DYNC2I2: variants seen among roughly 807,000 people sequenced by gnomAD.
DYNC2I2 encodes dynein 2 intermediate chain 2, also known as cytoplasmic dynein 2 intermediate chain 2.
In DYNC2I2, 39 loss-of-function variants were observed where a neutral mutation model predicts 52.0. The ratio of observed to expected loss-of-function variants is 0.75; its 90% confidence interval spans 0.58 to 0.98. The LOEUF is 0.98. Ranked by LOEUF, DYNC2I2 falls within the 50% of genes least tolerant of loss-of-function variation. The pLI is 0.00. For missense variants in DYNC2I2, 743 were observed against 728.4 expected, an observed-to-expected ratio of 1.02 and a Z score of -0.23; for synonymous variants, 359 against 321.1, an observed-to-expected ratio of 1.12 and a Z score of -1.26.
Position 128,634,754 on chromosome 9 carries a change from TGGGGCCCGCA to T in DYNC2I2, c.1139_1148del (p.Leu380GlnfsTer16). On this transcript the variant is annotated frameshift_variant, in exon 7 of 9. Coordinates refer to ENST00000372715, the MANE Select transcript of DYNC2I2 (RefSeq NM_052844.4). LOFTEE classifies it high-confidence loss of function. Reference sequence around the variant, plus strand: ...CGTGGGGGGAGAAGGTAAACTGTGCTGGGGCCCGCAGGGGCACGGAGCTGGGCATCCGCGT... The same window carrying T: ...CGTGGGGGGAGAAGGTAAACTGTGCTGGGGCACGGAGCTGGGCATCCGCGT... 1 of 1,604,218 alleles carries T rather than the reference TGGGGCCCGCA, an allele frequency of 6.2e-7. No homozygotes were observed. The highest frequency in any genetic ancestry group is 8.5e-7 in the Non-Finnish European group (1 of 1,175,918).
chr9:128,635,880 G>C (rs1860399396), intron 4 of DYNC2I2, 113 bp from the exon 5 acceptor site: 7 of 996,078 alleles, frequency 7.0e-6, no homozygotes, highest in Non-Finnish European at 1.1e-5. Flanking sequence ...AGGCGGCAGA[G>C]CCACTTGGCT....
chr9:128,665,202 G>A, the DYNC2I2 span, among the ~76,000 whole-genome samples: 1 of 151,634 alleles, frequency 6.6e-6, no homozygotes, highest in African/African-American at 2.4e-5. Context: ...ACAGGCGCCC[G>A]CCACCACGAC....
upstream of DYNC2I2, among the ~76,000 whole-genome samples, chr9:128,657,649 G>GT (rs1489195147): frequency 6.6e-6 from 1 of 151,984 alleles, no homozygotes; most frequent in East Asian, 1.9e-4. Context: ...CAAAAAAAAT[G>GT]TTTTAAAACT....
chr9:128,633,851 C>T lies in DYNC2I2; in HGVS notation c.1504G>A (p.Asp502Asn), dbSNP rs776327242. Reference sequence around the variant, plus strand: ...CACACCTTCACTGTGCCCTGGGCATCGCCCGCAGCCAAGAGCTGAGTCTGC... The same window carrying T: ...CACACCTTCACTGTGCCCTGGGCATTGCCCGCAGCCAAGAGCTGAGTCTGC... ...SQQTQLLAAG[D>N]AQGTVKVWQL... The change falls in exon 9 of 9, where the codon GAT (aspartate) becomes AAT (asparagine). Residue 502 changes from aspartate (D) to asparagine (N), a missense_variant. Transcript: ENST00000372715. 38 of 1,613,464 alleles carry T rather than the reference C, an allele frequency of 2.4e-5. No individual in the cohort carries two copies. The highest frequency in any genetic ancestry group is 1.2e-4 in the Admixed American group (7 of 60,004).
At position 128,635,646 on chromosome 9, in the gene DYNC2I2, C is replaced by T. The variant is rs764382242; in HGVS notation, c.813+12G>A. 8.8e-6 allele frequency: 14 copies of T among 1,594,948 alleles called. No homozygotes were observed. The highest frequency in any genetic ancestry group is 1.2e-5 in the Non-Finnish European group (14 of 1,170,112). Reference sequence around the variant, plus strand: ...CTCAGGGCCCACCCCGCCCGGCAGCCCCTGCCCTGACCTGGGACACAGGGT... The same window carrying T: ...CTCAGGGCCCACCCCGCCCGGCAGCTCCTGCCCTGACCTGGGACACAGGGT... On this transcript the variant is annotated intron_variant, in intron 5 of 8. Transcript: ENST00000372715.
chr9:128,650,556 C>T lies in DYNC2I2; in HGVS notation c.186+5985G>A, dbSNP rs1860702806. On this transcript the variant is annotated intron_variant, in intron 1 of 8. Transcript: ENST00000372715. ...ATATATATATATATATATGCCACCA[C>T]GCCCGGCTAATTTTGTATTTTTAGT... Among the ~76,000 whole-genome samples, 2 of 47,602 alleles carry T rather than the reference C, an allele frequency of 4.2e-5. 1 individual carries two copies. The highest frequency in any genetic ancestry group is 9.5e-5 in the African/African-American group (2 of 21,138). The allele number at this position is 47,602 out of a possible 152,430, so 31.2% of individuals were successfully genotyped here. A position where few individuals can be genotyped will look rare whatever the true frequency, so the allele number is the denominator to read the frequency against.
At position 128,656,711 on chromosome 9, in the gene DYNC2I2, G is replaced by A. The variant is rs1458234582; in HGVS notation, c.16C>T (p.Gln6Ter). The A allele has an allele frequency of 1.4e-6, 2 of 1,433,262 alleles. No homozygotes were observed. The highest frequency in any genetic ancestry group is 2.8e-5 in the East Asian group (1 of 35,588). 88.8% of individuals were successfully genotyped at this position (1,433,262 alleles called of 1,614,324 possible). The stretch of plus-strand genomic sequence containing the variant: ...CCCGCCTGGCTGAGTGGCCCCGGCT[G>A]CGCGCGGGTTGCCATGGAGACGGTT... MATRA[Q>*]PGPLSQAGSA... Residue 6 changes from glutamine (Q) to a stop codon, truncating the protein, a stop_gained, in exon 1 of 9, where the codon CAG becomes TAG. Transcript: ENST00000372715. LOFTEE classifies it high-confidence loss of function.
Position 128,651,563 on chromosome 9 carries a change from T to C in DYNC2I2, c.186+4978A>G, listed in dbSNP as rs1180973281. The C allele has an allele frequency of 7.4e-5, 4 of 54,420 alleles. 2 individuals are homozygous for C. The highest frequency in any genetic ancestry group is 1.5e-4 in the African/African-American group (4 of 27,296). 3.4% of individuals were successfully genotyped at this position (54,420 alleles called of 1,614,324 possible). A position where few individuals can be genotyped will look rare whatever the true frequency, so the allele number is the denominator to read the frequency against. On this transcript the variant is annotated intron_variant, in intron 1 of 8. Transcript: ENST00000372715. ...CTACTGGAAGGACCTTGCCAAACTA[T>C]CAGGAGATGAGAAGCACACCTTGGA...
chr9:128,634,323 G>A lies in DYNC2I2; in HGVS notation c.1275C>T (p.Ala425=), dbSNP rs200101013. 1 of 1,612,932 alleles carries A rather than the reference G, an allele frequency of 6.2e-7. No individual in the cohort carries two copies. The highest frequency in any genetic ancestry group is 8.5e-7 in the Non-Finnish European group (1 of 1,179,636). The change falls in exon 8 of 9, where the codon GCC becomes GCT. Residue 425 remains alanine, a synonymous_variant. Transcript: ENST00000372715. Reference sequence around the variant, plus strand: ...AGAGCTGCAGCGAAGTCAAGGGAGGGGCCTGCAGCATGGAGTACAGGTGGA... The same window carrying A: ...AGAGCTGCAGCGAAGTCAAGGGAGGAGCCTGCAGCATGGAGTACAGGTGGA... ...GHVHLYSMLQ[A]PPLTSLQLSL...
rs768007462 is a variant in DYNC2I2 at position 128,656,638 on chromosome 9, G to A, written c.89C>T (p.Pro30Leu). The A allele has an allele frequency of 4.0e-6, 6 of 1,502,208 alleles. No individual in the cohort carries two copies. The highest frequency in any genetic ancestry group is 4.5e-5 in the Admixed American group (2 of 44,816). The allele number at this position is 1,502,208 out of a possible 1,614,324, so 93.1% of individuals were successfully genotyped here. Reference sequence around the variant, plus strand: ...CAGCGGCCCTGGCCGCCCCGGCCCCGGGCCGCTCGCAACCCCGACTGTCGC... The same window carrying A: ...CAGCGGCCCTGGCCGCCCCGGCCCCAGGCCGCTCGCAACCCCGACTGTCGC... Reference protein sequence around the residue: ...ALATVGVASGPGPGRPGPLQD... With the variant: ...ALATVGVASGLGPGRPGPLQD... Residue 30 changes from proline (P) to leucine (L), a missense_variant, in exon 1 of 9, where the codon CCG (proline) becomes CTG (leucine). Pro to Leu is a moderately conservative substitution (Grantham distance 98, BLOSUM62 -3). Coordinates refer to ENST00000372715, the MANE Select transcript of DYNC2I2 (RefSeq NM_052844.4).
At chr9:128,640,983 G>A (rs756985113) in intron 1 of DYNC2I2, 44 bp from the exon 2 acceptor site, 22 of 1,540,770 alleles carry the variant, frequency 1.4e-5, no homozygotes, top group Admixed American at 3.8e-5. Context: ...AGCTGTCCTC[G>A]CACAGCCCCC....
At chr9:128,655,435 CG>C (rs1397416300) in intron 1 of DYNC2I2, among the ~76,000 whole-genome samples, 1 of 142,444 alleles carries the variant, frequency 7.0e-6, no homozygotes, top group Non-Finnish European at 1.5e-5. Context: ...GGCATAAACC[CG>C]GGAGGCGGAG....
At position 128,634,860 on chromosome 9, in the gene DYNC2I2, C is replaced by G. The variant is rs1266010642; in HGVS notation, c.1043G>C (p.Arg348Thr). 2.5e-6 allele frequency: 4 copies of G among 1,613,550 alleles called. No individual in the cohort carries two copies. The highest frequency in any genetic ancestry group is 2.5e-6 in the Non-Finnish European group (3 of 1,179,970). Residue 348 changes from arginine (R) to threonine (T), a missense_variant, in exon 7 of 9, where the codon AGG becomes ACG. Transcript: ENST00000372715. ...GCCTTCCGTGCCCAGAATGAACAGC[C>G]TAGGGTCAAAGCTGGAGAAGGCCAC... ...TAVAFSSFDPRLFILGTEGGF... is the reference protein window; with the variant it reads ...TAVAFSSFDPTLFILGTEGGF...
Position 128,634,707 on chromosome 9 carries a change from C to T in DYNC2I2, c.1196G>A (p.Ser399Asn), listed in dbSNP as rs777148395. 32 of 1,576,540 alleles carry T rather than the reference C, an allele frequency of 2.0e-5. No homozygotes were observed. Among genetic ancestry groups the T allele is most frequent in the Non-Finnish European group, 2.3e-5 (27 of 1,161,242 alleles). Residue 399 changes from serine (S) to asparagine (N), a missense_variant, in exon 7 of 9, where the codon AGC (serine) becomes AAC (asparagine). Transcript: ENST00000372715. ...TACGTACCTGTGGAAGGGGGAACAGCTCACAGAGTAGATGGGACCGCCGTG... is the reference window on the plus strand; with the variant it reads ...TACGTACCTGTGGAAGGGGGAACAGTTCACAGAGTAGATGGGACCGCCGTG... ...SPHGGPIYSV[S>N]CSPFHRNLFL...
rs1554773348 is a variant in DYNC2I2 at position 128,656,747 on chromosome 9, G to T, written c.-21C>A. The T allele has an allele frequency of 7.4e-7, 1 of 1,350,416 alleles. No individual in the cohort carries two copies. Among genetic ancestry groups the T allele is most frequent in the South Asian group, 1.8e-5 (1 of 54,490 alleles). The allele number at this position is 1,350,416 out of a possible 1,614,324, so 83.7% of individuals were successfully genotyped here. A position where few individuals can be genotyped will look rare whatever the true frequency, so the allele number is the denominator to read the frequency against. ...GCCATGGAGACGGTTCCGCCCTCTC[G>T]TGCGGACGCACTCAGGCGCGACCTC... On this transcript the variant is annotated 5_prime_UTR_variant, in exon 1 of 9. Transcript: ENST00000372715.
At chr9:128,680,544 A>AT in the DYNC2I2 span, among the ~76,000 whole-genome samples, 1 of 148,440 alleles carries the variant, frequency 6.7e-6, no homozygotes, top group Non-Finnish European at 1.5e-5. Flanking sequence ...TGCTCGGCTA[A>AT]TTTTTTGTAT....
chr9:128,645,084 C>T (rs898387753), intron 1 of DYNC2I2, among the ~76,000 whole-genome samples: 1 of 152,080 alleles, frequency 6.6e-6, no homozygotes, highest in Non-Finnish European at 1.5e-5. Context: ...GGCGCAGTGG[C>T]TCATGCCTGT....
chr9:128,669,905 T>C, the DYNC2I2 span, among the ~76,000 whole-genome samples: 1 of 152,136 alleles, frequency 6.6e-6, no homozygotes, highest in South Asian at 2.1e-4. Flanking sequence ...GGTCTTGAAA[T>C]CCTGAGCTTG....
At chr9:128,679,739 T>TG in the DYNC2I2 span, among the ~76,000 whole-genome samples, 1 of 147,806 alleles carries the variant, frequency 6.8e-6, no homozygotes, top group Non-Finnish European at 1.5e-5. Context: ...CTCTGCCTCC[T>TG]GGTTTCCAGT....
Sources: allele counts gnomAD v4.1 joint callset (sites outside exome capture counted in the v4.1 genomes callset), GRCh38; gene constraint gnomAD v4.1.1; transcripts MANE v1.5; gene names NCBI Gene and HGNC (gene_info 2026-07-23, HGNC 2026-07-21).